Variants in NCAM2 observed in about 807,000 individuals in gnomAD.
NCAM2 encodes the protein N-CAM-2.
A neutral mutation model predicts 98.1 loss-of-function variants in NCAM2; 30 were observed. The observed-to-expected ratio is 0.31, with a 90% CI of 0.23 to 0.41. NCAM2 has a LOEUF of 0.41. NCAM2 is among the 10% of genes least tolerant of loss of function. NCAM2 has a pLI of 1.00. For synonymous variants in NCAM2, 368 were observed against 342.4 expected, an observed-to-expected ratio of 1.07 and a Z score of -0.83; for missense variants, 867 against 1,005.8, an observed-to-expected ratio of 0.86 and a Z score of 1.87.
intron 9 of NCAM2, among the ~76,000 whole-genome samples, chr21:21,380,116 T>C (rs1269682622): frequency 2.6e-5 from 4 of 152,126 alleles, no homozygotes; most frequent in African/African-American, 7.2e-5. Context: ...CTGACTCAAA[T>C]GTTAATCTCC....
intron 11 of NCAM2, among the ~76,000 whole-genome samples, chr21:21,424,370 A>G (rs2077171462): frequency 6.6e-6 from 1 of 152,226 alleles, no homozygotes; most frequent in Non-Finnish European, 1.5e-5. Flanking sequence ...TAAATAATAC[A>G]TGGCATCTGG....
Position 21,540,461 on chromosome 21 carries a change from G to A in NCAM2, c.*2504G>A, listed in dbSNP as rs1378521540. On this transcript the variant is annotated 3_prime_UTR_variant, in exon 18 of 18. Transcript: ENST00000400546. ...GAAATCCATGCCATGCTGAAGCAAG[G>A]CAATACTGTGATAAAGTATTTTTTT... The A allele has an allele frequency of 6.6e-6, 1 of 151,636 alleles. No homozygotes were observed. Among genetic ancestry groups the A allele is most frequent in the Non-Finnish European group, 1.5e-5 (1 of 67,890 alleles). 9.4% of individuals were successfully genotyped at this position (151,636 alleles called of 1,614,324 possible). A position where few individuals can be genotyped will look rare whatever the true frequency, so the allele number is the denominator to read the frequency against.
At chr21:21,389,355 A>G (rs1036823819) in intron 9 of NCAM2, among the ~76,000 whole-genome samples, 1 of 152,208 alleles carries the variant, frequency 6.6e-6, no homozygotes, top group Non-Finnish European at 1.5e-5. Context: ...ACCTCCCACC[A>G]ATCCCCTTCC....
chr21:21,045,656 G>T (rs1017088065), intron 1 of NCAM2, among the ~76,000 whole-genome samples: 16 of 151,444 alleles, frequency 1.1e-4, no homozygotes, highest in African/African-American at 3.9e-4. Flanking sequence ...TCTCAGAAAA[G>T]AAAAAAAAGG....
intron 9 of NCAM2, among the ~76,000 whole-genome samples, chr21:21,381,596 A>G (rs982403674): frequency 2.6e-5 from 4 of 152,124 alleles, no homozygotes; most frequent in Non-Finnish European, 5.9e-5. Flanking sequence ...ACTTGAGTTC[A>G]TATTTTGACA....
Position 21,280,583 on chromosome 21 carries a change from C to G in NCAM2, c.61C>G (p.Leu21Val), listed in dbSNP as rs778555260. The G allele has an allele frequency of 1.3e-6, 2 of 1,590,620 alleles. No individual in the cohort carries two copies. The highest frequency in any genetic ancestry group is 1.8e-5 in the Admixed American group (1 of 56,088). The change falls in exon 2 of 18, where the codon CTT becomes GTT. Residue 21 changes from leucine to valine, a missense_variant. Coordinates refer to ENST00000400546, the MANE Select transcript of NCAM2 (RefSeq NM_004540.5). ...GTTTCCCAATTTTTTTTCAGCTCTT[C>G]TTCAAGTGACAATTTCACTTAGCAA... The part of the protein sequence containing the change: ...GLLVSSGQAL[L>V]QVTISLSKVE...
chr21:21,004,444 T>C (rs2146110748), intron 1 of NCAM2, among the ~76,000 whole-genome samples: 1 of 152,302 alleles, frequency 6.6e-6, no homozygotes, highest in African/African-American at 2.4e-5. Flanking sequence ...TATCTGGAAC[T>C]GGGAGTAGAT....
chr21:21,257,334 A>G (rs2071711577), intron 1 of NCAM2, among the ~76,000 whole-genome samples: 2 of 152,160 alleles, frequency 1.3e-5, no homozygotes, highest in African/African-American at 4.8e-5. Flanking sequence ...GAACGAAATA[A>G]ACTGTTTACA....
rs1313973201 is a variant in NCAM2 at position 21,540,399 on chromosome 21, G to C, written c.*2442G>C. ...ATATTCAGACTATTTCAAGTGCACT[G>C]TTTCAGTTGCCCGGGTGGTCCTTAC... On this transcript the variant is annotated 3_prime_UTR_variant, in exon 18 of 18. Coordinates refer to ENST00000400546, the MANE Select transcript of NCAM2 (RefSeq NM_004540.5). 3 of 151,694 alleles carry C rather than the reference G, an allele frequency of 2.0e-5. No homozygotes were observed. Among genetic ancestry groups the C allele is most frequent in the Admixed American group, 6.6e-5 (1 of 15,182 alleles). The allele number at this position is 151,694 out of a possible 1,614,324, so 9.4% of individuals were successfully genotyped here.
intron 1 of NCAM2, among the ~76,000 whole-genome samples, chr21:21,170,056 C>A (rs895645249): frequency 6.6e-6 from 1 of 152,054 alleles, no homozygotes; most frequent in African/African-American, 2.4e-5. Context: ...AATGAGATAC[C>A]ACAGCACCCT....
intron 1 of NCAM2, among the ~76,000 whole-genome samples, chr21:21,123,972 C>T (rs2066733933): frequency 6.7e-6 from 1 of 149,756 alleles, no homozygotes; most frequent in African/African-American, 2.5e-5. Context: ...CTCAGCCTCC[C>T]GAGTAGCTGG....
Position 21,537,859 on chromosome 21 carries a change from A to G in NCAM2, c.2416A>G (p.Lys806Glu). Residue 806 changes from lysine (K) to glutamate (E), a missense_variant, in exon 18 of 18, where the codon AAG becomes GAG. Around this residue, in one of 5 missense-constraint regions of NCAM2, gnomAD observed 125 missense variants for 116.1 expected, o/e 1.08. Transcript: ENST00000400546. ...PLTEPEKLPL[K>E]EEDGKEALNP... Reference sequence around the variant, plus strand: ...TTTATCTTCCAGAAAATTGCCTTTAAAGGAAGAAGATGGGAAAGAAGCTCT... The same window carrying G: ...TTTATCTTCCAGAAAATTGCCTTTAGAGGAAGAAGATGGGAAAGAAGCTCT... The G allele has an allele frequency of 6.5e-7, 1 of 1,543,308 alleles. No homozygotes were observed. The highest frequency in any genetic ancestry group is 8.8e-7 in the Non-Finnish European group (1 of 1,135,138).
intron 16 of NCAM2, among the ~76,000 whole-genome samples, chr21:21,532,470 T>A (rs529707670): frequency 6.6e-6 from 1 of 152,242 alleles, no homozygotes; most frequent in Admixed American, 6.5e-5. Context: ...CCATTTTCTC[T>A]TGTTAATCTT....
chr21:21,199,521 T>C (rs1378079560), intron 1 of NCAM2, among the ~76,000 whole-genome samples: 1 of 152,180 alleles, frequency 6.6e-6, no homozygotes, highest in Admixed American at 6.5e-5. Flanking sequence ...GTCTAGGGTC[T>C]TCCTCCAATT....
chr21:21,083,423 C>CT (rs201441950), intron 1 of NCAM2, among the ~76,000 whole-genome samples: 224 of 134,876 alleles, frequency 1.7e-3, no homozygotes, highest in East Asian at 5.9e-3. Context: ...TATAAATCAT[C>CT]TTTTTTTTTT....
intron 1 of NCAM2, among the ~76,000 whole-genome samples, chr21:21,065,937 A>G (rs80281185): frequency 0.037 from 5,643 of 152,254 alleles, 327 homozygotes; most frequent in African/African-American, 0.13. Flanking sequence ...GCACTCCCCA[A>G]TGCATGGTAT....
chr21:21,272,760 G>T, intron 1 of NCAM2, among the ~76,000 whole-genome samples: 1 of 152,066 alleles, frequency 6.6e-6, no homozygotes, highest in East Asian at 1.9e-4. Flanking sequence ...AGGCTCAGTG[G>T]ATAACAATTA....
chr21:21,105,865 G>T (rs1275547514), intron 1 of NCAM2, among the ~76,000 whole-genome samples: 4 of 151,984 alleles, frequency 2.6e-5, no homozygotes, highest in Non-Finnish European at 4.4e-5. Context: ...TTCATTGTAA[G>T]ACCATTTATA....
intron 2 of NCAM2, among the ~76,000 whole-genome samples, chr21:21,282,852 A>G (rs1241174147): frequency 6.6e-6 from 1 of 151,886 alleles, no homozygotes; most frequent in African/African-American, 2.4e-5. Flanking sequence ...GAAAACAATT[A>G]TAACAGCTTT....
Sources: allele counts gnomAD v4.1 joint callset (sites outside exome capture counted in the v4.1 genomes callset), GRCh38; gene constraint gnomAD v4.1.1; regional missense constraint gnomAD v4.1.1; transcripts MANE v1.5; gene names NCBI Gene and HGNC (gene_info 2026-07-23, HGNC 2026-07-21).